ANGEL1: variants seen among roughly 807,000 people sequenced by gnomAD.
ANGEL1 encodes angel homolog 1, also known as RNA 2',3'-cyclic phosphatase ANGEL1.
In ANGEL1, 62 loss-of-function variants were observed where a neutral mutation model predicts 76.4. The observed-to-expected ratio is 0.81, with a 90% CI of 0.66 to 1.00. The LOEUF (loss-of-function observed/expected upper bound fraction) is 1.00, where lower values mean the gene tolerates loss of function less well. Among genes scored for constraint, ANGEL1 ranks in the 50% least tolerant of loss-of-function variants. The pLI, the probability that ANGEL1 is intolerant of heterozygous loss-of-function variation, is 0.00. For synonymous variants in ANGEL1, 340 were observed against 331.7 expected, an observed-to-expected ratio of 1.03 and a Z score of -0.27; for missense variants, 737 against 836.7, an observed-to-expected ratio of 0.88 and a Z score of 1.47.
Position 76,789,094 on chromosome 14 carries a change from A to C in ANGEL1, c.*134T>G. The C allele has an allele frequency of 8.0e-7, 1 of 1,242,886 alleles. No homozygotes were observed. The highest frequency in any genetic ancestry group is 1.1e-6 in the Non-Finnish European group (1 of 893,958). 77.0% of individuals were successfully genotyped at this position (1,242,886 alleles called of 1,614,324 possible). On this transcript the variant is annotated 3_prime_UTR_variant, in exon 10 of 10. Transcript: ENST00000251089. ...CCTGGAGAAAGTCTAACCGTGGGAA[A>C]AAGGGAACGAGGAGGGGGAAGGGAG...
At chr14:76,807,141 T>C (rs1595307550) in intron 4 of ANGEL1, among the ~76,000 whole-genome samples, 1 of 152,248 alleles carries the variant, frequency 6.6e-6, no homozygotes, top group East Asian at 1.9e-4. Context: ...ACTAGCTTTG[T>C]AGCTTTGTGA....
rs183386718 is a variant in ANGEL1, at chr14:76,801,885, G to A, written c.1618+1486C>T. Among the ~76,000 whole-genome samples the A allele has an allele frequency of 7.9e-5, 12 of 152,172 alleles. No individual in the cohort carries two copies. In the East Asian group the frequency reaches 1.4e-3, roughly 17 times the overall value. On this transcript the variant is annotated intron_variant, in intron 7 of 9. Transcript: ENST00000251089. Reference sequence around the variant, plus strand: ...TAAAGACAATTTCTTGGCCCAGCGCGGTGGCTCACGCCTGTAATCCTAGCA... The same window carrying A: ...TAAAGACAATTTCTTGGCCCAGCGCAGTGGCTCACGCCTGTAATCCTAGCA...
rs377081685 is a variant in ANGEL1, at chr14:76,793,851, CAAT to C, written c.1619-2488_1619-2486del. 1.0e-3 allele frequency among the ~76,000 whole-genome samples: 159 copies of C among 151,900 alleles called. 3 individuals are homozygous for C. In the South Asian group the frequency reaches 0.012, roughly 12 times the overall value. Reference sequence around the variant, plus strand: ...TAAATTATGTACAGTAAAAGATTAACAATAATAATAAAATAGAAAAATTATAAC... The same window carrying C: ...TAAATTATGTACAGTAAAAGATTAACAATAATAAAATAGAAAAATTATAAC... On this transcript the variant is annotated intron_variant, in intron 7 of 9. Transcript: ENST00000251089.
chr14:76,806,594 T>G lies in ANGEL1; in HGVS notation c.1202A>C (p.Asp401Ala). 1 of 1,614,160 alleles carries G rather than the reference T, an allele frequency of 6.2e-7. No homozygotes were observed. Among genetic ancestry groups the G allele is most frequent in the Non-Finnish European group, 8.5e-7 (1 of 1,180,022 alleles). Residue 401 changes from aspartate to alanine, a missense_variant, in exon 5 of 10, where the codon GAT becomes GCT. This residue lies in a region of ANGEL1 where 296 missense variants were observed against 387.2 expected (regional missense o/e 0.76). Transcript: ENST00000251089. ...THILYNPRRGDVKLAQMAILL... is the reference protein window; with the variant it reads ...THILYNPRRGAVKLAQMAILL... ...AATGGCCATCTGGGCCAGCTTGACATCGCCCCGGCGTGGGTTGTAAAGGAT... is the reference window on the plus strand; with the variant it reads ...AATGGCCATCTGGGCCAGCTTGACAGCGCCCCGGCGTGGGTTGTAAAGGAT...
chr14:76,788,536 A>T lies in ANGEL1; in HGVS notation c.*692T>A, dbSNP rs1398106453. The T allele has an allele frequency of 1.3e-5, 2 of 152,370 alleles. No homozygotes were observed. The highest frequency in any genetic ancestry group is 4.8e-5 in the African/African-American group (2 of 41,458). The allele number at this position is 152,370 out of a possible 1,614,324, so 9.4% of individuals were successfully genotyped here. On this transcript the variant is annotated 3_prime_UTR_variant, in exon 10 of 10. Transcript: ENST00000251089. The stretch of plus-strand genomic sequence containing the variant: ...ATCCCCCAAAATTTGCCACTCCAGG[A>T]TGTGGGCCCCATTTGTTCCCAGAGC...
At chr14:76,806,234 C>T (rs943324339) in intron 5 of ANGEL1, among the ~76,000 whole-genome samples, 182 bp downstream of exon 5, 8 of 152,120 alleles carry the variant, frequency 5.3e-5, no homozygotes, top group East Asian at 3.8e-4. Flanking sequence ...TCCAATATGC[C>T]GAAGTACTCA....
chr14:76,791,647 T>A (rs190244120), intron 7 of ANGEL1, among the ~76,000 whole-genome samples: 150 of 152,314 alleles, frequency 9.8e-4, no homozygotes, highest in Admixed American at 4.1e-3. Context: ...TATAGTCACA[T>A]GGTACAAAAT....
chr14:76,808,699 A>C (rs1894995219), intron 2 of ANGEL1, among the ~76,000 whole-genome samples: 1 of 152,206 alleles, frequency 6.6e-6, no homozygotes, highest in South Asian at 2.1e-4. Context: ...TGACTGAGAC[A>C]GAGACTAGAG....
chr14:76,790,880 A>C, intron 8 of ANGEL1, 106 bp from the exon 9 acceptor site: 1 of 1,414,068 alleles, frequency 7.1e-7, no homozygotes, highest in South Asian at 1.5e-5. Context: ...ATGATCTCAG[A>C]TGACTCAATC....
rs12587767 is a variant in ANGEL1, at chr14:76,786,358, C to A, written c.*2870G>T. 887 of 152,208 alleles carry A rather than the reference C, an allele frequency of 5.8e-3. 33 individuals carry two copies. In the East Asian group the frequency reaches 0.1, roughly 18 times the overall value. The allele number at this position is 152,208 out of a possible 1,614,324, so 9.4% of individuals were successfully genotyped here. A position where few individuals can be genotyped will look rare whatever the true frequency, so the allele number is the denominator to read the frequency against. On this transcript the variant is annotated 3_prime_UTR_variant, in exon 10 of 10. Transcript: ENST00000251089. ...TGTATTTTTAGTAGAGACGGGATTT[C>A]TTCATGTTGGTCAGGCTGGTCTGGA...
Position 76,790,818 on chromosome 14 carries a change from A to T in ANGEL1, c.1689-44T>A, listed in dbSNP as rs747427323. The T allele has an allele frequency of 2.6e-6, 4 of 1,509,926 alleles. No homozygotes were observed. The African/African-American group carries it at 5.6e-5, about 21-fold the overall frequency. 93.5% of individuals were successfully genotyped at this position (1,509,926 alleles called of 1,614,324 possible). The stretch of plus-strand genomic sequence containing the variant: ...AAACATTAGTTAACAAAAATTACTA[A>T]ATTTTCCCTAGATCACTTTTTCTAT... On this transcript the variant is annotated intron_variant, in intron 8 of 9. Transcript: ENST00000251089.
chr14:76,807,830 A>G, intron 3 of ANGEL1, 92 bp downstream of exon 3: 1 of 1,389,400 alleles, frequency 7.2e-7, no homozygotes, highest in Non-Finnish European at 1.0e-6. Context: ...AATCATTTGA[A>G]CAACTATGGG....
chr14:76,808,175 A>G, intron 2 of ANGEL1, 27 bp from the exon 3 acceptor site: 6 of 1,593,464 alleles, frequency 3.8e-6, no homozygotes, highest in Middle Eastern at 1.8e-4. Flanking sequence ...GAAGCACTCA[A>G]TGGCAAGTAT....
chr14:76,806,319 T>G, intron 5 of ANGEL1, 97 bp downstream of exon 5: 2 of 1,277,050 alleles, frequency 1.6e-6, no homozygotes, highest in Non-Finnish European at 2.2e-6. Context: ...CCAGAGCAGG[T>G]GTACTGAGGT....
rs745783075 is a variant in ANGEL1 at position 76,807,966 on chromosome 14, G to A, written c.832C>T (p.Arg278Cys). 1.8e-5 allele frequency: 29 copies of A among 1,614,042 alleles called. No individual in the cohort carries two copies. Among genetic ancestry groups the A allele is most frequent in the South Asian group, 3.3e-5 (3 of 91,084 alleles). Reference protein sequence around the residue: ...CHPDILNWNYRFVNLMQEFQH... With the variant: ...CHPDILNWNYCFVNLMQEFQH... Reference sequence around the variant, plus strand: ...AATTCCTGCATGAGGTTCACGAAGCGATAGTTCCAATTGAGGATGTCTGGA... The same window carrying A: ...AATTCCTGCATGAGGTTCACGAAGCAATAGTTCCAATTGAGGATGTCTGGA... The change falls in exon 3 of 10, where the codon CGC becomes TGC. Residue 278 changes from arginine to cysteine, a missense_variant. Physicochemically the swap from Arg to Cys is radical, Grantham distance 180 (BLOSUM62 -3). Around this residue, in one of 2 missense-constraint regions of ANGEL1, gnomAD observed 441 missense variants for 449.5 expected, o/e 0.98. Coordinates refer to ENST00000251089, the MANE Select transcript of ANGEL1 (RefSeq NM_015305.4).
chr14:76,806,352 A>G lies in ANGEL1; in HGVS notation c.1380+64T>C. 3.3e-6 allele frequency: 5 copies of G among 1,526,682 alleles called. No individual in the cohort carries two copies. In the East Asian group the frequency reaches 1.1e-4, roughly 35 times the overall value. The allele number at this position is 1,526,682 out of a possible 1,614,324, so 94.6% of individuals were successfully genotyped here. A position where few individuals can be genotyped will look rare whatever the true frequency, so the allele number is the denominator to read the frequency against. ...GGTCCCTGCCACAGAAGAAGCACTG[A>G]TGCTAACGCCTGAATCTCTCTTAGA... On this transcript the variant is annotated intron_variant, in intron 5 of 9. Coordinates refer to ENST00000251089, the MANE Select transcript of ANGEL1 (RefSeq NM_015305.4).
chr14:76,789,861 A>AT (rs771023614), intron 9 of ANGEL1, among the ~76,000 whole-genome samples: 13,130 of 58,554 alleles, frequency 0.22, 866 homozygotes, highest in East Asian at 0.35. Context: ...TGCCTGGCTA[A>AT]TTTTTTTTTT....
chr14:76,804,089 T>C, intron 5 of ANGEL1, 177 bp from the exon 6 acceptor site: 2 of 1,465,980 alleles, frequency 1.4e-6, no homozygotes, highest in African/African-American at 1.4e-5. Context: ...ATTAAAACCA[T>C]TACTTTTTCA....
At chr14:76,808,186 G>T in intron 2 of ANGEL1, 38 bp from the exon 3 acceptor site, 1 of 1,563,776 alleles carries the variant, frequency 6.4e-7, no homozygotes, top group South Asian at 1.1e-5. Flanking sequence ...TGGCAAGTAT[G>T]AGTAATGCAG....
Sources: allele counts gnomAD v4.1 joint callset (sites outside exome capture counted in the v4.1 genomes callset), GRCh38; gene constraint gnomAD v4.1.1; regional missense constraint gnomAD v4.1.1; transcripts MANE v1.5; gene names NCBI Gene and HGNC (gene_info 2026-07-23, HGNC 2026-07-21).